CSMD2: variants seen among roughly 807,000 people sequenced by gnomAD.
CSMD2 encodes the protein CUB and sushi domain-containing protein 2.
Under a neutral mutation model 398.5 loss-of-function variants are expected in CSMD2, and 130 were observed. The ratio of observed to expected loss-of-function variants is 0.33; its 90% CI spans 0.28 to 0.38. The LOEUF (loss-of-function observed/expected upper bound fraction) is 0.38, where lower values mean the gene tolerates loss of function less well. CSMD2 is among the 10% of genes least tolerant of loss of function. The pLI, the probability that CSMD2 is intolerant of heterozygous loss-of-function variation, is 1.00. For missense variants in CSMD2, 3,829 were observed against 4,764.9 expected (o/e 0.80, Z 5.78); for synonymous variants, 1,828 against 1,908.5 (o/e 0.96, Z 1.10).
intron 1 of CSMD2, among the ~76,000 whole-genome samples, chr1:34,090,170 C>T (rs111954446): frequency 1.2e-4 from 18 of 152,324 alleles, no homozygotes; most frequent in African/African-American, 3.8e-4. Context: ...CCTCACTGTG[C>T]ACACGCATCA....
rs1457386505 is a variant in CSMD2 at position 33,572,547 on chromosome 1, G to A, written c.7721C>T (p.Thr2574Ile). The A allele has an allele frequency of 2.5e-6, 4 of 1,613,502 alleles. No individual in the cohort carries two copies. Among genetic ancestry groups the A allele is most frequent in the Admixed American group, 3.3e-5 (2 of 59,960 alleles). ...GACATTGCGGTTGCTCCATAGGCCT[G>A]TGTCCAGACACTCTGCAGTGGCCTC... ...GAEATAECLD[T>I]GLWSNRNVPP... The change falls in exon 50 of 71, where the codon ACA becomes ATA. Residue 2574 changes from threonine (T) to isoleucine (I), a missense_variant. Thr to Ile is a moderately conservative substitution (Grantham distance 89). This residue lies in a region of CSMD2 where 723 missense variants were observed against 758.6 expected (regional missense o/e 0.95). Transcript: ENST00000373381.
intron 12 of CSMD2, among the ~76,000 whole-genome samples, chr1:33,782,214 G>A (rs1465310387): frequency 6.6e-6 from 1 of 151,842 alleles, no homozygotes; most frequent in Non-Finnish European, 1.5e-5. Flanking sequence ...TTCCTGAGTC[G>A]AGATGTCTAT....
rs1192255158 is a variant in CSMD2, at chr1:34,164,016, A to G, written c.187+895T>C. On this transcript the variant is annotated intron_variant, in intron 1 of 70. Coordinates refer to ENST00000373381, the MANE Select transcript of CSMD2 (RefSeq NM_001281956.2). The surrounding 1 kb of genome is among the most constrained non-coding windows in gnomAD (Gnocchi z 6.2). ...TTCCGGGACTCTCCGCACCCGCTAGATCTGCCCCTTCCCGGACTCGGTCGT... is the reference window on the plus strand; with the variant it reads ...TTCCGGGACTCTCCGCACCCGCTAGGTCTGCCCCTTCCCGGACTCGGTCGT... Among the ~76,000 whole-genome samples the G allele has an allele frequency of 1.3e-5, 2 of 152,014 alleles. No individual in the cohort carries two copies. Among genetic ancestry groups the G allele is most frequent in the African/African-American group, 4.8e-5 (2 of 41,412 alleles).
At chr1:33,605,090 C>T (rs968337495) in intron 42 of CSMD2, among the ~76,000 whole-genome samples, 192 bp downstream of exon 42, 1 of 152,124 alleles carries the variant, frequency 6.6e-6, no homozygotes, top group East Asian at 1.9e-4. Context: ...AGTGCTGGCC[C>T]GGAGCCCTGT....
chr1:34,029,818 G>C (rs915505646), intron 3 of CSMD2, among the ~76,000 whole-genome samples: 1 of 152,166 alleles, frequency 6.6e-6, no homozygotes, highest in African/African-American at 2.4e-5. Context: ...TGCCTACAAG[G>C]CTTTATTTCC....
chr1:33,778,649 G>A (rs550079709), intron 12 of CSMD2, among the ~76,000 whole-genome samples: 1 of 152,186 alleles, frequency 6.6e-6, no homozygotes, highest in South Asian at 2.1e-4. Context: ...CGTGCCAAAT[G>A]CCACACTAAG....
chr1:34,158,623 T>C (rs1266244858), intron 1 of CSMD2, among the ~76,000 whole-genome samples: 2 of 152,246 alleles, frequency 1.3e-5, no homozygotes, highest in South Asian at 2.1e-4. Flanking sequence ...GAATTGTTTC[T>C]CTTATATTTC....
intron 57 of CSMD2, 139 bp from the exon 58 acceptor site, chr1:33,543,035 G>A (rs207460073): frequency 8.0e-5 from 50 of 626,386 alleles, no homozygotes; most frequent in Non-Finnish European, 1.1e-4. Context: ...CTTTTGTATC[G>A]AATTATCTTG....
At chr1:33,579,869 G>C (rs1054136076) in intron 48 of CSMD2, among the ~76,000 whole-genome samples, 1 of 151,996 alleles carries the variant, frequency 6.6e-6, no homozygotes, top group Non-Finnish European at 1.5e-5. Flanking sequence ...AGTAGAGATG[G>C]GGTTTCACTA....
At position 33,559,346 on chromosome 1, in the gene CSMD2, T is replaced by C. The variant is rs1242508484; in HGVS notation, c.8508A>G (p.Gln2836=). Residue 2836 remains glutamine (Q), a synonymous_variant, in exon 54 of 71, where the codon CAA becomes CAG. Coordinates refer to ENST00000373381, the MANE Select transcript of CSMD2 (RefSeq NM_001281956.2). This position sits in a 1 kb window ranked among gnomAD's most constrained non-coding sequence, Gnocchi z 4.0. ...GYMAEGAARS[Q]CLASGQWSDM... ...CACTCCATTGCCCGCTGGCCAGGCATTGGGACCTAGCAGCCCCCTCAGCCA... is the reference window on the plus strand; with the variant it reads ...CACTCCATTGCCCGCTGGCCAGGCACTGGGACCTAGCAGCCCCCTCAGCCA... The C allele has an allele frequency of 3.9e-6, 6 of 1,535,938 alleles. No individual in the cohort carries two copies. In the Admixed American group the frequency reaches 1.2e-4, roughly 30 times the overall value.
chr1:34,021,514 A>C (rs564323795), intron 3 of CSMD2, among the ~76,000 whole-genome samples: 1 of 152,190 alleles, frequency 6.6e-6, no homozygotes, highest in Non-Finnish European at 1.5e-5. Flanking sequence ...GTGGGCTGGC[A>C]GTGGTCCTGA....
chr1:33,571,294 C>T (rs1178500322), intron 51 of CSMD2, among the ~76,000 whole-genome samples: 3 of 152,162 alleles, frequency 2.0e-5, no homozygotes, highest in Admixed American at 2.0e-4. Flanking sequence ...AGTGCATGCT[C>T]ATCTGGACAA....
intron 3 of CSMD2, among the ~76,000 whole-genome samples, chr1:33,962,691 G>A (rs1023354926): frequency 3.9e-5 from 6 of 152,046 alleles, no homozygotes; most frequent in Non-Finnish European, 4.4e-5. Flanking sequence ...TGTACTTGCA[G>A]CTCCCTCTGC....
chr1:33,908,841 A>G (rs1643280251), intron 5 of CSMD2, among the ~76,000 whole-genome samples: 1 of 152,022 alleles, frequency 6.6e-6, no homozygotes, highest in Non-Finnish European at 1.5e-5. Flanking sequence ...GCTATTTCCA[A>G]CTCCAAGAGA....
intron 1 of CSMD2, among the ~76,000 whole-genome samples, chr1:34,135,543 G>A (rs1194985059): frequency 2.2e-5 from 3 of 134,818 alleles, no homozygotes; most frequent in African/African-American, 5.5e-5. Flanking sequence ...GCTTAAACCC[G>A]GGAGGCGGAG....
chr1:33,801,151 T>C (rs1655560121), intron 10 of CSMD2, among the ~76,000 whole-genome samples: 1 of 152,152 alleles, frequency 6.6e-6, no homozygotes, highest in Non-Finnish European at 1.5e-5. Flanking sequence ...TATAACGAGC[T>C]TTCCTTTCCC....
chr1:34,061,486 C>A (rs1654504042), intron 2 of CSMD2, among the ~76,000 whole-genome samples: 1 of 151,908 alleles, frequency 6.6e-6, no homozygotes, highest in African/African-American at 2.4e-5. Flanking sequence ...CTCACTGCTT[C>A]TCTGCTATCT....
intron 12 of CSMD2, among the ~76,000 whole-genome samples, chr1:33,773,953 C>T (rs1187748972): frequency 6.6e-6 from 1 of 152,136 alleles, no homozygotes; most frequent in Non-Finnish European, 1.5e-5. Flanking sequence ...TCTGCAAAGG[C>T]TTTCCTACCA....
intron 57 of CSMD2, among the ~76,000 whole-genome samples, chr1:33,545,799 T>C (rs1049053607): frequency 6.6e-6 from 1 of 152,302 alleles, no homozygotes. Context: ...AAATAGTGGG[T>C]CAAATTCAGT....
Sources: gnomAD v4.1 joint callset for allele counts (sites outside exome capture counted in the v4.1 genomes callset) on GRCh38, gnomAD v4.1.1 for gene constraint, gnomAD v4.1.1 regional missense constraint, Gnocchi (gnomAD v3.1) non-coding constraint, MANE v1.5 for transcripts, NCBI Gene and HGNC (gene_info 2026-07-23, HGNC 2026-07-21) for gene names.